The following SCG3 variants were observed in gnomAD, a reference collection of about 807,000 sequenced individuals.
The protein encoded by SCG3 is secretogranin III, also known as secretogranin-3.
SCG3 carries 38 observed loss-of-function variants against 56.2 expected under a neutral mutation model. That is an observed-to-expected ratio of 0.68 (90% confidence interval 0.52 to 0.89). The LOEUF (loss-of-function observed/expected upper bound fraction) is 0.89, where lower values mean the gene tolerates loss of function less well. Among genes scored for constraint, SCG3 ranks in the 40% least tolerant of loss-of-function variants. The pLI is 0.00. For synonymous variants in SCG3, 176 were observed against 184.2 expected, an observed-to-expected ratio of 0.96 and a Z score of 0.36; for missense variants, 524 against 540.7, an observed-to-expected ratio of 0.97 and a Z score of 0.31.
At chr15:51,696,843 C>T (rs903160482) in intron 8 of SCG3, among the ~76,000 whole-genome samples, 3 of 152,132 alleles carry the variant, frequency 2.0e-5, no homozygotes, top group African/African-American at 7.2e-5. Flanking sequence ...CCCCATGATC[C>T]AATCACCTCC....
intron 10 of SCG3, among the ~76,000 whole-genome samples, chr15:51,709,361 G>A (rs1460768514): frequency 6.6e-6 from 1 of 151,856 alleles, no homozygotes; most frequent in Non-Finnish European, 1.5e-5. Context: ...ACTTGGGTGG[G>A]GACACAGCCC....
At chr15:51,685,917 A>C (rs1257124295) in intron 4 of SCG3, among the ~76,000 whole-genome samples, 3 of 152,230 alleles carry the variant, frequency 2.0e-5, no homozygotes, top group African/African-American at 7.2e-5. Context: ...TAGACAATAA[A>C]CCCTGTGTAG....
chr15:51,688,131 G>GA (rs1555457280), intron 4 of SCG3, 129 bp from the exon 5 acceptor site: 6 of 875,806 alleles, frequency 6.9e-6, no homozygotes, highest in Non-Finnish European at 9.5e-6. Context: ...TCTGTGGACC[G>GA]AGAACCACCA....
At chr15:51,717,512 A>C (rs1467777059) in intron 11 of SCG3, among the ~76,000 whole-genome samples, 2 of 149,488 alleles carry the variant, frequency 1.3e-5, no homozygotes, top group African/African-American at 5.0e-5. Context: ...CAGCCTGGGT[A>C]AAACAGTGAG....
intron 10 of SCG3, among the ~76,000 whole-genome samples, chr15:51,703,159 A>G (rs1175249609): frequency 6.6e-6 from 1 of 152,172 alleles, no homozygotes; most frequent in East Asian, 1.9e-4. Flanking sequence ...TTATGATGTG[A>G]TATGAGATCA....
rs372125532 is a variant in SCG3 at position 51,701,276 on chromosome 15, A to C, written c.1207+32A>C. Reference sequence around the variant, plus strand: ...GATTGACAGCTCTAGGTTAGCAATGAAATTGGGAAAGCAAAAGCTTTCACC... The same window carrying C: ...GATTGACAGCTCTAGGTTAGCAATGCAATTGGGAAAGCAAAAGCTTTCACC... On this transcript the variant is annotated intron_variant, in intron 10 of 11. Coordinates refer to ENST00000220478, the MANE Select transcript of SCG3 (RefSeq NM_013243.4). 2.6e-6 allele frequency: 4 copies of C among 1,536,822 alleles called. No homozygotes were observed. In the African/African-American group the frequency reaches 5.6e-5, roughly 21 times the overall value.
At chr15:51,712,412 G>A (rs1019646973) in intron 10 of SCG3, among the ~76,000 whole-genome samples, 1 of 152,176 alleles carries the variant, frequency 6.6e-6, no homozygotes, top group African/African-American at 2.4e-5. Flanking sequence ...CTAAGCTTTA[G>A]GGCCTCACCT....
chr15:51,685,672 A>G (rs2055224197), intron 4 of SCG3, among the ~76,000 whole-genome samples: 1 of 152,222 alleles, frequency 6.6e-6, no homozygotes, highest in Admixed American at 6.5e-5. Context: ...ACTTCATCCC[A>G]GAGGGGAAGG....
rs1448292262 is a variant in SCG3, at chr15:51,683,121, C to T, written c.178C>T (p.Pro60Ser). The T allele has an allele frequency of 6.2e-7, 1 of 1,608,228 alleles. No homozygotes were observed. The highest frequency in any genetic ancestry group is 2.2e-5 in the East Asian group (1 of 44,796). The change falls in exon 3 of 12, where the codon CCA becomes TCA. Residue 60 changes from proline to serine, a missense_variant. Transcript: ENST00000220478. ...EEDKIKKTYP[P>S]ENKPGQSNYS... ...AGACAAGATTAAAAAAACATATCCT[C>T]CAGGTAAAAAGAAATCATATTGATG...
chr15:51,695,038 AAAAAAAAG>A (rs2055293936), intron 7 of SCG3, among the ~76,000 whole-genome samples: 1 of 152,046 alleles, frequency 6.6e-6, no homozygotes, highest in Admixed American at 6.5e-5. Flanking sequence ...CTCAAAAAAA[AAAAAAAAG>A]AAAAAAGGTT....
rs1417969162 is a variant in SCG3 at position 51,719,632 on chromosome 15, A to G, written c.*106A>G. Reference sequence around the variant, plus strand: ...AATTTTTTGACCCAAGGGTTATTAGAAAGTGCTGAATTTACAGTAGTTAAC... The same window carrying G: ...AATTTTTTGACCCAAGGGTTATTAGGAAGTGCTGAATTTACAGTAGTTAAC... On this transcript the variant is annotated 3_prime_UTR_variant, in exon 12 of 12. Transcript: ENST00000220478. The G allele has an allele frequency of 2.7e-6, 2 of 731,432 alleles. No homozygotes were observed. Among genetic ancestry groups the G allele is most frequent in the African/African-American group, 3.6e-5 (2 of 56,070 alleles). The allele number at this position is 731,432 out of a possible 1,614,324, so 45.3% of individuals were successfully genotyped here.
intron 7 of SCG3, among the ~76,000 whole-genome samples, chr15:51,694,461 A>G (rs2055288753): frequency 6.6e-6 from 1 of 152,170 alleles, no homozygotes; most frequent in African/African-American, 2.4e-5. Flanking sequence ...CCACCAGTTG[A>G]GAAACATAGG....
intron 11 of SCG3, among the ~76,000 whole-genome samples, chr15:51,714,084 A>T (rs2055437993): frequency 6.6e-6 from 1 of 152,170 alleles, no homozygotes; most frequent in Non-Finnish European, 1.5e-5. Context: ...CAGAGCGAAC[A>T]CTAGGTACCA....
At chr15:51,682,667 C>A in intron 2 of SCG3, 98 bp downstream of exon 2, 2 of 749,202 alleles carry the variant, frequency 2.7e-6, no homozygotes, top group Non-Finnish European at 2.1e-6. Flanking sequence ...TTTGAATTTA[C>A]AAACATCAGG....
rs1369365912 is a variant in SCG3, at chr15:51,719,680, A to G, written c.*154A>G. 1.7e-6 allele frequency: 1 copy of G among 573,822 alleles called. No individual in the cohort carries two copies. The allele number at this position is 573,822 out of a possible 1,614,324, so 35.5% of individuals were successfully genotyped here. A position where few individuals can be genotyped will look rare whatever the true frequency, so the allele number is the denominator to read the frequency against. On this transcript the variant is annotated 3_prime_UTR_variant, in exon 12 of 12. Coordinates refer to ENST00000220478, the MANE Select transcript of SCG3 (RefSeq NM_013243.4). ...AACCTTTTACAAGTGGTTAAAACAT[A>G]GCTTTCTTCCCGTAAAAACTATCTG...
At position 51,692,312 on chromosome 15, in the gene SCG3, G is replaced by A. The variant is rs2055273083; in HGVS notation, c.844G>A (p.Ala282Thr). 6.2e-7 allele frequency: 1 copy of A among 1,613,698 alleles called. No homozygotes were observed. The highest frequency in any genetic ancestry group is 8.5e-7 in the Non-Finnish European group (1 of 1,179,836). The change falls in exon 7 of 12, where the codon GCG becomes ACG. Residue 282 changes from alanine (A) to threonine (T), a missense_variant. Physicochemically the swap from Ala to Thr is moderately conservative, Grantham distance 58. Coordinates refer to ENST00000220478, the MANE Select transcript of SCG3 (RefSeq NM_013243.4). ...ACTCCAATATTTCCCAAATTTCTAT[G>A]CGCTACTGAAAAGTATTGATTCAGG... ...EELQYFPNFY[A>T]LLKSIDSEKE...
intron 8 of SCG3, among the ~76,000 whole-genome samples, chr15:51,696,931 A>C (rs2055307598): frequency 6.6e-6 from 1 of 152,172 alleles, no homozygotes; most frequent in African/African-American, 2.4e-5. Context: ...ACTATACCAG[A>C]TAGGGCAATC....
At chr15:51,716,965 C>T (rs1803861251) in intron 11 of SCG3, among the ~76,000 whole-genome samples, 1 of 152,178 alleles carries the variant, frequency 6.6e-6, no homozygotes. Flanking sequence ...GTAGCTCACA[C>T]CTGTAATCCC....
rs116199388 is a variant in SCG3, at chr15:51,707,112, T to G, written c.1207+5868T>G. The stretch of plus-strand genomic sequence containing the variant: ...CATTCACATCTGTTCTGTGAGTCAC[T>G]GAAAGTCTTTTTTTTTAATCATCCA... On this transcript the variant is annotated intron_variant, in intron 10 of 11. Coordinates refer to ENST00000220478, the MANE Select transcript of SCG3 (RefSeq NM_013243.4). Among the ~76,000 whole-genome samples, 1,058 of 152,334 alleles carry G rather than the reference T, an allele frequency of 6.9e-3. 19 individuals carry two copies. The highest frequency in any genetic ancestry group is 0.025 in the African/African-American group (1,023 of 41,576).
Sources: gnomAD v4.1 joint callset for allele counts (sites outside exome capture counted in the v4.1 genomes callset) on GRCh38, gnomAD v4.1.1 for gene constraint, MANE v1.5 for transcripts, NCBI Gene and HGNC (gene_info 2026-07-23, HGNC 2026-07-21) for gene names.